The following ZMAT4 variants were observed in gnomAD, a reference collection of about 807,000 sequenced individuals.
The protein encoded by ZMAT4 is zinc finger matrin-type 4.
A neutral mutation model predicts 28.7 loss-of-function variants in ZMAT4; 17 were observed. The observed-to-expected ratio is 0.59, with a 90% CI of 0.41 to 0.89. The LOEUF is 0.89. Among genes scored for constraint, ZMAT4 ranks in the 40% least tolerant of loss-of-function variants. The pLI is 0.00. For missense variants in ZMAT4, 240 were observed against 283.8 expected, an observed-to-expected ratio of 0.85 and a Z score of 1.11; for synonymous variants, 117 against 109.2, an observed-to-expected ratio of 1.07 and a Z score of -0.44.
intron 6 of ZMAT4, among the ~76,000 whole-genome samples, chr8:40,572,150 G>C (rs1228084536): frequency 6.6e-6 from 1 of 151,956 alleles, no homozygotes; most frequent in Non-Finnish European, 1.5e-5. Context: ...ATTTATTACT[G>C]TGCGACCCTC....
chr8:40,633,550 C>T (rs1806678041), intron 5 of ZMAT4, among the ~76,000 whole-genome samples: 1 of 152,170 alleles, frequency 6.6e-6, no homozygotes, highest in African/African-American at 2.4e-5. Flanking sequence ...AAGGTCTGTC[C>T]TCGCTCCATG....
intron 5 of ZMAT4, among the ~76,000 whole-genome samples, chr8:40,649,606 T>C (rs772962828): frequency 5.3e-5 from 8 of 151,676 alleles, no homozygotes; most frequent in Admixed American, 2.6e-4. Flanking sequence ...CTCCATCCCA[T>C]ATCAACAGAA....
intron 3 of ZMAT4, among the ~76,000 whole-genome samples, chr8:40,763,526 A>G (rs1474525162): frequency 6.6e-6 from 1 of 152,176 alleles, no homozygotes; most frequent in Admixed American, 6.5e-5. Flanking sequence ...TACCCTGCCC[A>G]GAACAACAAT....
At chr8:40,561,794 T>C (rs1453571993) in intron 6 of ZMAT4, among the ~76,000 whole-genome samples, 1 of 152,178 alleles carries the variant, frequency 6.6e-6, no homozygotes, top group African/African-American at 2.4e-5. Flanking sequence ...TTTTAGCTCA[T>C]CAGCTATCAT....
intron 3 of ZMAT4, among the ~76,000 whole-genome samples, chr8:40,725,351 T>C (rs1461756277): frequency 6.6e-6 from 1 of 152,184 alleles, no homozygotes; most frequent in African/African-American, 2.4e-5. Context: ...TGTAACGTCT[T>C]TCCTGAGGGG....
chr8:40,565,154 T>C (rs1435844298), intron 6 of ZMAT4, among the ~76,000 whole-genome samples: 1 of 152,208 alleles, frequency 6.6e-6, no homozygotes, highest in Non-Finnish European at 1.5e-5. Context: ...TAACATAAGT[T>C]TTAAACCCTG....
chr8:40,871,072 T>C (rs1260826932), intron 1 of ZMAT4, among the ~76,000 whole-genome samples: 1 of 152,080 alleles, frequency 6.6e-6, no homozygotes, highest in Non-Finnish European at 1.5e-5. Context: ...ACATTCTCCA[T>C]CCCCAAAGGA....
At chr8:40,791,793 G>A (rs1291665455) in intron 2 of ZMAT4, among the ~76,000 whole-genome samples, 1 of 152,146 alleles carries the variant, frequency 6.6e-6, no homozygotes, top group Non-Finnish European at 1.5e-5. Context: ...AGAAATCGAA[G>A]CTCTCCCTTA....
At chr8:40,795,747 C>A (rs1563489805) in intron 2 of ZMAT4, among the ~76,000 whole-genome samples, 2 of 152,296 alleles carry the variant, frequency 1.3e-5, no homozygotes, top group Middle Eastern at 3.4e-3. Context: ...TTATAATCAA[C>A]ATTTTCCGTT....
At chr8:40,770,401 T>C (rs755650787) in intron 2 of ZMAT4, among the ~76,000 whole-genome samples, 1 of 151,950 alleles carries the variant, frequency 6.6e-6, no homozygotes, top group Non-Finnish European at 1.5e-5. Context: ...TGCAGATCGT[T>C]CCTGGGGTTT....
chr8:40,653,106 G>C (rs928805980), intron 5 of ZMAT4, among the ~76,000 whole-genome samples: 1 of 151,602 alleles, frequency 6.6e-6, no homozygotes, highest in Non-Finnish European at 1.5e-5. Flanking sequence ...AAAGAAATTT[G>C]AGAAATCCAA....
rs993526925 is a variant in ZMAT4 at position 40,731,811 on chromosome 8, G to A, written c.193-34410C>T. 2.6e-5 allele frequency among the ~76,000 whole-genome samples: 4 copies of A among 152,174 alleles called. No individual in the cohort carries two copies. The South Asian group carries it at 6.2e-4, about 24-fold the overall frequency. On this transcript the variant is annotated intron_variant, in intron 3 of 6. Coordinates refer to ENST00000297737, the MANE Select transcript of ZMAT4 (RefSeq NM_024645.3). ...GCTTGACTCACAACAGCTAACAGGT[G>A]GAAGCAATTCAGTGTCCATGGATGG... is the stretch of plus-strand genomic sequence containing the variant.
chr8:40,630,152 C>T (rs1250319424), intron 5 of ZMAT4, among the ~76,000 whole-genome samples: 1 of 152,224 alleles, frequency 6.6e-6, no homozygotes, highest in Non-Finnish European at 1.5e-5. Flanking sequence ...CAAATTCTCT[C>T]TTGTTTGGAC....
rs150803478 is a variant in ZMAT4, at chr8:40,593,487, C to T, written c.578-12226G>A. On this transcript the variant is annotated intron_variant, in intron 5 of 6. Coordinates refer to ENST00000297737, the MANE Select transcript of ZMAT4 (RefSeq NM_024645.3). ...CTTCCCAAATGTTGGGGATTGTTGG[C>T]CTCTATGATTTCCCTGAGTAAGCAT... Among the ~76,000 whole-genome samples, 1,049 of 152,272 alleles carry T rather than the reference C, an allele frequency of 6.9e-3. 14 individuals are homozygous for T. Among genetic ancestry groups the T allele is most frequent in the African/African-American group, 0.023 (966 of 41,554 alleles).
chr8:40,580,367 C>T (rs543334700), intron 6 of ZMAT4, among the ~76,000 whole-genome samples: 4 of 152,050 alleles, frequency 2.6e-5, no homozygotes, highest in African/African-American at 4.8e-5. Context: ...AGTGGGCTCT[C>T]GACAAATGTT....
At chr8:40,746,666 C>G (rs1214847518) in intron 3 of ZMAT4, among the ~76,000 whole-genome samples, 1 of 152,130 alleles carries the variant, frequency 6.6e-6, no homozygotes, top group East Asian at 1.9e-4. Flanking sequence ...AGTTTTACTA[C>G]TAATAGTGCC....
intron 2 of ZMAT4, among the ~76,000 whole-genome samples, chr8:40,801,945 C>T (rs188874532): frequency 2.6e-5 from 4 of 152,080 alleles, no homozygotes; most frequent in Admixed American, 2.0e-4. Flanking sequence ...TAATGTAATC[C>T]GTTGCATCAA....
intron 2 of ZMAT4, among the ~76,000 whole-genome samples, chr8:40,824,617 G>A (rs1006754472): frequency 7.1e-6 from 1 of 140,070 alleles, no homozygotes; most frequent in Non-Finnish European, 1.6e-5. Context: ...CAGAAAGAAA[G>A]AAAGGAAGAA....
At chr8:40,584,678 G>T (rs1371303129) in intron 5 of ZMAT4, among the ~76,000 whole-genome samples, 1 of 152,048 alleles carries the variant, frequency 6.6e-6, no homozygotes, top group Non-Finnish European at 1.5e-5. Context: ...TGTCACCCAG[G>T]CTGGAGTGCG....
Sources: allele counts gnomAD v4.1 joint callset (sites outside exome capture counted in the v4.1 genomes callset), GRCh38; gene constraint gnomAD v4.1.1; transcripts MANE v1.5; gene names NCBI Gene and HGNC (gene_info 2026-07-23, HGNC 2026-07-21).